The following RCOR1 variants were observed in gnomAD, a reference collection of about 807,000 sequenced individuals.
RCOR1 encodes the protein REST corepressor 1.
RCOR1 carries 12 observed loss-of-function variants against 64.0 expected under a neutral mutation model. The ratio of observed to expected loss-of-function variants is 0.19; its 90% CI spans 0.12 to 0.30. The LOEUF is 0.30. Among genes scored for constraint, RCOR1 ranks in the 10% least tolerant of loss-of-function variants. The pLI, the probability that RCOR1 is intolerant of heterozygous loss-of-function variation, is 1.00. For missense variants in RCOR1, 502 were observed against 621.2 expected, an observed-to-expected ratio of 0.81 and a Z score of 2.04; for synonymous variants, 279 against 227.2, an observed-to-expected ratio of 1.23 and a Z score of -2.05.
intron 6 of RCOR1, among the ~76,000 whole-genome samples, chr14:102,709,507 T>TA (rs528514130): frequency 4.1e-4 from 62 of 152,368 alleles, no homozygotes; most frequent in African/African-American, 1.3e-3. Context: ...GATGGAATTT[T>TA]ATCATTTCAA....
chr14:102,708,617 T>G (rs1392284150), intron 6 of RCOR1, 34 bp downstream of exon 6: 1 of 1,206,642 alleles, frequency 8.3e-7, no homozygotes. Context: ...TCTAACCACT[T>G]AGGGGACTAT....
chr14:102,610,981 A>G (rs920275072), intron 2 of RCOR1, among the ~76,000 whole-genome samples: 1 of 151,966 alleles, frequency 6.6e-6, no homozygotes, highest in Non-Finnish European at 1.5e-5. Context: ...CTAGGGGTGT[A>G]TTTGTTTAAA....
intron 2 of RCOR1, among the ~76,000 whole-genome samples, chr14:102,629,331 G>A (rs1314110355): frequency 2.0e-5 from 3 of 151,384 alleles, no homozygotes; most frequent in South Asian, 2.1e-4. Context: ...TACTCTTATC[G>A]TCATCTAACA....
chr14:102,654,615 C>A (rs1175815547), intron 2 of RCOR1, among the ~76,000 whole-genome samples: 6 of 151,858 alleles, frequency 4.0e-5, no homozygotes, highest in Non-Finnish European at 1.5e-5. Context: ...ACCTGTAATA[C>A]CAGCACTTTG....
intron 3 of RCOR1, among the ~76,000 whole-genome samples, chr14:102,690,250 A>G (rs934755338): frequency 6.6e-6 from 1 of 152,222 alleles, no homozygotes; most frequent in Non-Finnish European, 1.5e-5. Context: ...TATATTGTAC[A>G]TGAAAGTTTA....
intron 2 of RCOR1, among the ~76,000 whole-genome samples, chr14:102,595,773 G>A (rs1893229579): frequency 6.6e-6 from 1 of 151,896 alleles, no homozygotes; most frequent in South Asian, 2.1e-4. Flanking sequence ...TGGAGACGGG[G>A]TTTCACCGTG....
chr14:102,642,643 C>T (rs1894392384), intron 2 of RCOR1, among the ~76,000 whole-genome samples: 2 of 151,984 alleles, frequency 1.3e-5, no homozygotes, highest in South Asian at 4.2e-4. Flanking sequence ...CCAGACCAGC[C>T]TGGGCAACAA....
chr14:102,637,800 A>G (rs1010008121), intron 2 of RCOR1, among the ~76,000 whole-genome samples: 2 of 152,160 alleles, frequency 1.3e-5, no homozygotes, highest in African/African-American at 4.8e-5. Flanking sequence ...GATGTCAGTA[A>G]TTTTACAATT....
At chr14:102,662,543 C>T in intron 2 of RCOR1, 1 of 490,722 alleles carries the variant, frequency 2.0e-6, no homozygotes, top group Non-Finnish European at 4.0e-6. Context: ...TTTGGGCTGC[C>T]CCTGGAGTCG....
chr14:102,663,494 A>G (rs1256346871), intron 2 of RCOR1, among the ~76,000 whole-genome samples: 3 of 152,196 alleles, frequency 2.0e-5, no homozygotes, highest in African/African-American at 7.2e-5. Flanking sequence ...AGCTGGTGGT[A>G]CAGTAGTTAG....
At chr14:102,678,663 C>CA (rs778227039) in intron 2 of RCOR1, among the ~76,000 whole-genome samples, 6 of 152,154 alleles carry the variant, frequency 3.9e-5, no homozygotes, top group Non-Finnish European at 8.8e-5. Flanking sequence ...GTTGCTAGAT[C>CA]AGTCATTTGG....
chr14:102,720,888 C>T, intron 8 of RCOR1, 119 bp from the exon 9 acceptor site: 1 of 582,596 alleles, frequency 1.7e-6, no homozygotes, highest in East Asian at 3.0e-5. Context: ...AATTCAGCTA[C>T]AACAGATGTT....
chr14:102,676,239 C>T (rs538914086), intron 2 of RCOR1, among the ~76,000 whole-genome samples: 24 of 149,238 alleles, frequency 1.6e-4, no homozygotes, highest in Non-Finnish European at 2.4e-4. Context: ...ACCTCCCAGA[C>T]GGGGTCGTGG....
chr14:102,657,675 T>TA (rs1400572230), intron 2 of RCOR1: 1 of 452,614 alleles, frequency 2.2e-6, no homozygotes, highest in Non-Finnish European at 2.9e-6. Flanking sequence ...CTGTCTGTAG[T>TA]AAAAATACAA....
chr14:102,611,831 T>C (rs1567407225), intron 2 of RCOR1, among the ~76,000 whole-genome samples: 1 of 152,116 alleles, frequency 6.6e-6, no homozygotes, highest in Non-Finnish European at 1.5e-5. Flanking sequence ...TTCTTTTGGG[T>C]ATTTTATTTA....
At chr14:102,623,625 G>A (rs1893920996) in intron 2 of RCOR1, among the ~76,000 whole-genome samples, 1 of 151,440 alleles carries the variant, frequency 6.6e-6, no homozygotes, top group South Asian at 2.1e-4. Flanking sequence ...AGCCAGGATG[G>A]TCTTGATCCC....
At chr14:102,725,876 C>G (rs1464692764) in intron 11 of RCOR1, among the ~76,000 whole-genome samples, 1 of 152,156 alleles carries the variant, frequency 6.6e-6, no homozygotes, top group Non-Finnish European at 1.5e-5. Context: ...GGGCCGTTTT[C>G]AGGCACTTAA....
At chr14:102,658,660 T>A in intron 2 of RCOR1, 1 of 978,042 alleles carries the variant, frequency 1.0e-6, no homozygotes, top group Non-Finnish European at 1.2e-6. Flanking sequence ...CAAGGTGTGC[T>A]TGTCAATACC....
chr14:102,619,257 G>A (rs888695559), intron 2 of RCOR1, among the ~76,000 whole-genome samples: 1 of 152,122 alleles, frequency 6.6e-6, no homozygotes, highest in Non-Finnish European at 1.5e-5. Context: ...AAGTAGCTGG[G>A]ATTGCAGGCG....
Sources: gnomAD v4.1 joint callset for allele counts (sites outside exome capture counted in the v4.1 genomes callset) on GRCh38, gnomAD v4.1.1 for gene constraint, MANE v1.5 for transcripts, NCBI Gene and HGNC (gene_info 2026-07-23, HGNC 2026-07-21) for gene names.